Variants in ARID1B observed in about 807,000 individuals in gnomAD.
The protein encoded by ARID1B is AT-rich interactive domain-containing protein 1B.
Under a neutral mutation model 212.3 loss-of-function variants are expected in ARID1B, and 30 were observed. The ratio of observed to expected loss-of-function variants is 0.14; its 90% CI spans 0.11 to 0.19. The LOEUF is 0.19. Ranked by LOEUF, ARID1B falls within the 10% of genes least tolerant of loss-of-function variation. The probability of loss-of-function intolerance (pLI) is 1.00; values close to 1 mark genes in which losing one functional copy is unlikely to be tolerated. For missense variants in ARID1B, 2,891 were observed against 3,204.0 expected (o/e 0.90, Z 2.36); for synonymous variants, 1,402 against 1,301.7 (o/e 1.08, Z -1.66).
At chr6:156,946,128 G>T (rs796697552) in intron 4 of ARID1B, among the ~76,000 whole-genome samples, 16 of 151,712 alleles carry the variant, frequency 1.1e-4, no homozygotes, top group African/African-American at 3.9e-4. Flanking sequence ...AGGCCAAGGC[G>T]GGCAGACCAC....
chr6:156,995,619 A>G (rs1203248752), intron 4 of ARID1B, among the ~76,000 whole-genome samples: 1 of 152,202 alleles, frequency 6.6e-6, no homozygotes, highest in East Asian at 1.9e-4. Context: ...GAGCTTCTAG[A>G]CTTCACTGAC....
At chr6:157,033,305 G>A (rs1044113925) in intron 4 of ARID1B, among the ~76,000 whole-genome samples, 4 of 152,044 alleles carry the variant, frequency 2.6e-5, no homozygotes, top group African/African-American at 4.8e-5. Context: ...TATGAGTATC[G>A]TTCATTATAC....
At chr6:156,991,270 G>T (rs981993124) in intron 4 of ARID1B, among the ~76,000 whole-genome samples, 1 of 152,058 alleles carries the variant, frequency 6.6e-6, no homozygotes, top group Non-Finnish European at 1.5e-5. Flanking sequence ...TCTCTCTGTC[G>T]CCCAAGCTGG....
In ARID1B at chr6:157,004,897, C is replaced by CTTTTTTGTTTTTTTTT. The variant is rs1562542228; in HGVS notation, c.2247+69327_2247+69328insGTTTTTTTTTTTTTTT. Among the ~76,000 whole-genome samples, 26 of 54,722 alleles carry CTTTTTTGTTTTTTTTT rather than the reference C, an allele frequency of 4.8e-4. 3 individuals carry two copies. The highest frequency in any genetic ancestry group is 7.4e-4 in the East Asian group (2 of 2,688). 35.9% of individuals were successfully genotyped at this position (54,722 alleles called of 152,430 possible). ...TTTTTTCTTTTTCTTCTTCTTTTTT[C>CTTTTTTGTTTTTTTTT]TTTTTTTTTTTTTTTTTTTTTTTTT... is the stretch of plus-strand genomic sequence containing the variant. On this transcript the variant is annotated intron_variant, in intron 4 of 19. Coordinates refer to ENST00000636930, the MANE Select transcript of ARID1B (RefSeq NM_001374828.1).
At chr6:156,848,731 C>T (rs1036143380) in intron 2 of ARID1B, among the ~76,000 whole-genome samples, 1 of 152,188 alleles carries the variant, frequency 6.6e-6, no homozygotes, top group Non-Finnish European at 1.5e-5. Flanking sequence ...TTTTTATAGC[C>T]TTGTCTGGCC....
intron 5 of ARID1B, among the ~76,000 whole-genome samples, chr6:157,087,046 T>G (rs1785008778): frequency 6.6e-6 from 1 of 152,236 alleles, no homozygotes; most frequent in South Asian, 2.1e-4. Context: ...ACCACCATAT[T>G]GCTTCACTGT....
chr6:157,140,368 G>A (rs1789258539), intron 7 of ARID1B, among the ~76,000 whole-genome samples: 1 of 152,134 alleles, frequency 6.6e-6, no homozygotes, highest in African/African-American at 2.4e-5. Flanking sequence ...TACTCAGGAG[G>A]CTGAGGCAGG....
At chr6:156,986,071 T>A (rs891192321) in intron 4 of ARID1B, among the ~76,000 whole-genome samples, 1 of 152,216 alleles carries the variant, frequency 6.6e-6, no homozygotes, top group Admixed American at 6.5e-5. Context: ...GCTTTTTGTC[T>A]TTGATCTGTG....
intron 8 of ARID1B, among the ~76,000 whole-genome samples, chr6:157,164,433 G>C (rs891158152): frequency 6.6e-6 from 1 of 152,116 alleles, no homozygotes; most frequent in Non-Finnish European, 1.5e-5. Flanking sequence ...TTTGCCTGGT[G>C]GATTTTCTAT....
chr6:157,039,682 C>CTTTCTTTCTTTCTTTCT (rs1781649357), intron 4 of ARID1B, among the ~76,000 whole-genome samples: 3 of 75,540 alleles, frequency 4.0e-5, no homozygotes, highest in African/African-American at 1.4e-4. Context: ...TCCTTCCTTC[C>CTTTCTTTCTTTCTTTCT]TTCCTTCCTT....
At chr6:157,048,713 G>A (rs574662898) in intron 4 of ARID1B, among the ~76,000 whole-genome samples, 1 of 152,288 alleles carries the variant, frequency 6.6e-6, no homozygotes, top group African/African-American at 2.4e-5. Context: ...TGTTGTCATA[G>A]TCGCCTGATC....
intron 2 of ARID1B, among the ~76,000 whole-genome samples, chr6:156,857,099 T>G (rs1238390203): frequency 6.6e-6 from 1 of 152,236 alleles, no homozygotes; most frequent in African/African-American, 2.4e-5. Flanking sequence ...GTCTGTTTAC[T>G]GGGTGCTTTT....
chr6:157,061,245 C>T (rs1282081981), intron 4 of ARID1B, among the ~76,000 whole-genome samples: 2 of 152,172 alleles, frequency 1.3e-5, no homozygotes, highest in East Asian at 3.8e-4. Context: ...TTTGAATTTA[C>T]ATTTGTTAGC....
intron 2 of ARID1B, among the ~76,000 whole-genome samples, chr6:156,834,182 T>G (rs976972931): frequency 6.6e-6 from 1 of 152,032 alleles, no homozygotes; most frequent in Non-Finnish European, 1.5e-5. Context: ...AATTCCAGAG[T>G]TTTTCATCAT....
chr6:157,080,051 A>G (rs1439139542), intron 4 of ARID1B, among the ~76,000 whole-genome samples: 2 of 152,190 alleles, frequency 1.3e-5, no homozygotes, highest in Non-Finnish European at 2.9e-5. Context: ...TCCTTAAACA[A>G]GAGACCTGAA....
At chr6:156,917,290 A>G (rs995406604) in intron 3 of ARID1B, among the ~76,000 whole-genome samples, 1 of 152,188 alleles carries the variant, frequency 6.6e-6, no homozygotes, top group Non-Finnish European at 1.5e-5. Flanking sequence ...AAGTGTACTT[A>G]TTTACCTCAG....
chr6:156,786,165 C>T (rs1301541727), intron 1 of ARID1B, among the ~76,000 whole-genome samples: 1 of 152,022 alleles, frequency 6.6e-6, no homozygotes, highest in Non-Finnish European at 1.5e-5. Flanking sequence ...TTTATTTTCC[C>T]ACTATTAGTG....
At chr6:157,205,989 G>T (rs1562350769) in intron 19 of ARID1B, 178 bp from the exon 20 acceptor site, 1 of 700,700 alleles carries the variant, frequency 1.4e-6, no homozygotes, top group South Asian at 1.8e-5. Flanking sequence ...TAAAATTCAG[G>T]AAGTTCGCTG....
intron 2 of ARID1B, among the ~76,000 whole-genome samples, chr6:156,859,220 T>G (rs1266001949): frequency 6.6e-6 from 1 of 152,132 alleles, no homozygotes; most frequent in Admixed American, 6.5e-5. Context: ...TTCACGCCAT[T>G]TTCCTGCCTC....
Sources: gnomAD v4.1 joint callset for allele counts (sites outside exome capture counted in the v4.1 genomes callset) on GRCh38, gnomAD v4.1.1 for gene constraint, MANE v1.5 for transcripts, NCBI Gene and HGNC (gene_info 2026-07-23, HGNC 2026-07-21) for gene names.